BDKRB2: variants seen among roughly 807,000 people sequenced by gnomAD.
BDKRB2 encodes bradykinin receptor B2, also known as B2 bradykinin receptor.
BDKRB2 carries 6 observed loss-of-function variants against 4.0 expected under a neutral mutation model. The ratio of observed to expected loss-of-function variants is 1.49; its 90% CI spans 0.81 to 2.93. The LOEUF (loss-of-function observed/expected upper bound fraction) is 2.93, where lower values mean the gene tolerates loss of function less well. Among genes scored for constraint, BDKRB2 ranks in the 30% most tolerant of loss-of-function variants. The probability of loss-of-function intolerance (pLI) is 0.00; values close to 1 mark genes in which losing one functional copy is unlikely to be tolerated. For synonymous variants in BDKRB2, 225 were observed against 215.3 expected (o/e 1.05, Z -0.40); for missense variants, 478 against 520.1 (o/e 0.92, Z 0.79).
chr14:96,209,614 A>G (rs1890260260), intron 1 of BDKRB2, among the ~76,000 whole-genome samples: 1 of 152,224 alleles, frequency 6.6e-6, no homozygotes, highest in Non-Finnish European at 1.5e-5. Context: ...CACTGAATGC[A>G]CATTTTTCAT....
chr14:96,212,062 C>A (rs1392419606), intron 1 of BDKRB2, among the ~76,000 whole-genome samples: 1 of 152,196 alleles, frequency 6.6e-6, no homozygotes, highest in African/African-American at 2.4e-5. Context: ...GTGAGCCTGG[C>A]TGTCTCTTGA....
rs534424539 is a variant in BDKRB2, at chr14:96,231,467, C to T, written c.-39-5602C>T. Among the ~76,000 whole-genome samples the T allele has an allele frequency of 3.2e-4, 48 of 152,256 alleles. 1 individual carries two copies. Among genetic ancestry groups the T allele is most frequent in the African/African-American group, 8.9e-4 (37 of 41,548 alleles). ...CCACGCAGCTCTGGTTGTTGAGGCT[C>T]ATATGGTTTATGAGGCGCCATCACC... On this transcript the variant is annotated intron_variant, in intron 1 of 2. Coordinates refer to ENST00000554311, the MANE Select transcript of BDKRB2 (RefSeq NM_001379692.1).
At chr14:96,224,618 G>A (rs1346519148) in intron 1 of BDKRB2, among the ~76,000 whole-genome samples, 3 of 152,118 alleles carry the variant, frequency 2.0e-5, no homozygotes, top group Admixed American at 6.5e-5. Context: ...GACATGTCCC[G>A]AGTTCATCTG....
Position 96,240,638 on chromosome 14 carries a change from C to G in BDKRB2, c.310C>G (p.Leu104Val). Residue 104 changes from leucine to valine, a missense_variant, in exon 3 of 3, where the codon CTG (leucine) becomes GTG (valine). Physicochemically the swap from Leu to Val is conservative, Grantham distance 32 (BLOSUM62 1). Transcript: ENST00000554311. The part of the protein sequence containing the change: ...IYLGNLAAAD[L>V]ILACGLPFWA... Reference sequence around the variant, plus strand: ...CCTGGGGAACCTGGCCGCAGCAGACCTGATCCTGGCCTGCGGGCTGCCCTT... The same window carrying G: ...CCTGGGGAACCTGGCCGCAGCAGACGTGATCCTGGCCTGCGGGCTGCCCTT... The G allele has an allele frequency of 6.4e-7, 1 of 1,562,190 alleles. No homozygotes were observed. Among genetic ancestry groups the G allele is most frequent in the East Asian group, 2.2e-5 (1 of 44,580 alleles).
chr14:96,212,300 T>C (rs1890320358), intron 1 of BDKRB2, among the ~76,000 whole-genome samples: 1 of 152,120 alleles, frequency 6.6e-6, no homozygotes, highest in Admixed American at 6.6e-5. Context: ...AACAACTAAC[T>C]ATAAGAACAC....
chr14:96,214,218 C>A (rs1890366334), intron 1 of BDKRB2, among the ~76,000 whole-genome samples: 1 of 152,206 alleles, frequency 6.6e-6, no homozygotes, highest in Non-Finnish European at 1.5e-5. Flanking sequence ...AGGGACTTTC[C>A]CTGCAAGTGG....
intron 1 of BDKRB2, among the ~76,000 whole-genome samples, chr14:96,221,691 G>A (rs900714224): frequency 2.6e-5 from 4 of 152,042 alleles, no homozygotes; most frequent in African/African-American, 9.7e-5. Context: ...GGGAACCAGA[G>A]CGTCCTGGTG....
rs1015856032 is a variant in BDKRB2 at position 96,243,783 on chromosome 14, A to C, written c.*2279A>C. On this transcript the variant is annotated 3_prime_UTR_variant, in exon 3 of 3. Transcript: ENST00000554311. ...GAGGAAGAAAACAGGTGAAAGAAGA[A>C]GTAAAAACCATTTAGTATTAGTATT... is the stretch of plus-strand genomic sequence containing the variant. The C allele has an allele frequency of 2.4e-5, 4 of 167,080 alleles. No homozygotes were observed. Among genetic ancestry groups the C allele is most frequent in the African/African-American group, 9.5e-5 (4 of 42,116 alleles). The allele number at this position is 167,080 out of a possible 1,614,324, so 10.3% of individuals were successfully genotyped here.
intron 1 of BDKRB2, among the ~76,000 whole-genome samples, chr14:96,231,614 GGTGT>G (rs1410507467): frequency 6.6e-6 from 1 of 152,160 alleles, no homozygotes; most frequent in Non-Finnish European, 1.5e-5. Flanking sequence ...ATTCTGGGGA[GGTGT>G]CAGGGAAAGG....
chr14:96,217,184 G>T (rs1890446738), intron 1 of BDKRB2, among the ~76,000 whole-genome samples: 1 of 152,204 alleles, frequency 6.6e-6, no homozygotes, highest in African/African-American at 2.4e-5. Flanking sequence ...TGTGCTCAAG[G>T]GACTGATGGT....
At chr14:96,215,920 G>A (rs868104239) in intron 1 of BDKRB2, among the ~76,000 whole-genome samples, 1 of 152,182 alleles carries the variant, frequency 6.6e-6, no homozygotes, top group Non-Finnish European at 1.5e-5. Context: ...ACTGCAGTAA[G>A]CGCAGACACA....
chr14:96,232,137 T>C (rs570449324), intron 1 of BDKRB2, among the ~76,000 whole-genome samples: 1 of 152,322 alleles, frequency 6.6e-6, no homozygotes, highest in South Asian at 2.1e-4. Context: ...CCTCCTGGGC[T>C]GGTGCAGGAA....
At chr14:96,217,983 G>T (rs922582927) in intron 1 of BDKRB2, among the ~76,000 whole-genome samples, 1 of 152,100 alleles carries the variant, frequency 6.6e-6, no homozygotes, top group African/African-American at 2.4e-5. Context: ...ACGAGCCTGT[G>T]AGATGGGATA....
chr14:96,235,802 C>G (rs1348680388), intron 1 of BDKRB2, among the ~76,000 whole-genome samples: 1 of 147,052 alleles, frequency 6.8e-6, no homozygotes, highest in African/African-American at 2.5e-5. Context: ...CACACACCCA[C>G]ATACCCACAC....
At chr14:96,240,064 G>T in intron 2 of BDKRB2, 1 of 1,047,376 alleles carries the variant, frequency 9.5e-7, no homozygotes, top group Non-Finnish European at 1.1e-6. Flanking sequence ...GATAAGGAAG[G>T]AATGTGAATC....
chr14:96,224,511 C>A (rs532796800), intron 1 of BDKRB2, among the ~76,000 whole-genome samples: 1 of 152,150 alleles, frequency 6.6e-6, no homozygotes, highest in Non-Finnish European at 1.5e-5. Context: ...CACATTGTCA[C>A]GGTGCTCCCA....
rs1449776902 is a variant in BDKRB2 at position 96,242,328 on chromosome 14, C to CA, written c.*825dup. The CA allele has an allele frequency of 2.0e-5, 3 of 152,210 alleles. No individual in the cohort carries two copies. The highest frequency in any genetic ancestry group is 4.4e-5 in the Non-Finnish European group (3 of 68,044). The allele number at this position is 152,210 out of a possible 1,614,324, so 9.4% of individuals were successfully genotyped here. A position where few individuals can be genotyped will look rare whatever the true frequency, so the allele number is the denominator to read the frequency against. Reference sequence around the variant, plus strand: ...GCTCAACCAATAACTATTGCACAACCATCTGTCCCTGCCTCAGTTCCCTCT... The same window carrying CA: ...GCTCAACCAATAACTATTGCACAACCAATCTGTCCCTGCCTCAGTTCCCTCT... On this transcript the variant is annotated 3_prime_UTR_variant, in exon 3 of 3. Transcript: ENST00000554311.
intron 1 of BDKRB2, among the ~76,000 whole-genome samples, chr14:96,217,860 G>GGCTCC: frequency 6.6e-6 from 1 of 151,444 alleles, no homozygotes; most frequent in South Asian, 2.1e-4. Flanking sequence ...CCAGGCTCCA[G>GGCTCC]ACTCCTCCAA....
intron 1 of BDKRB2, among the ~76,000 whole-genome samples, chr14:96,216,720 A>AGGAGGAGGAAGGAGG: frequency 1.6e-5 from 1 of 62,386 alleles, no homozygotes; most frequent in African/African-American, 5.1e-5. Context: ...GAGGAAGAGG[A>AGGAGGAGGAAGGAGG]AGGAGGAGGA....
Sources: allele counts gnomAD v4.1 joint callset (sites outside exome capture counted in the v4.1 genomes callset), GRCh38; gene constraint gnomAD v4.1.1; transcripts MANE v1.5; gene names NCBI Gene and HGNC (gene_info 2026-07-23, HGNC 2026-07-21).